CEP57L1: variants seen among roughly 807,000 people sequenced by gnomAD.
CEP57L1 encodes the protein centrosomal protein 57 like 1, also known as centrosomal protein CEP57L1.
A neutral mutation model predicts 61.0 loss-of-function variants in CEP57L1; 37 were observed. The ratio of observed to expected loss-of-function variants is 0.61; its 90% CI spans 0.47 to 0.80. The LOEUF is 0.80. Ranked by LOEUF, CEP57L1 falls within the 30% of genes least tolerant of loss-of-function variation. The pLI is 0.00. For synonymous variants in CEP57L1, 137 were observed against 162.3 expected (o/e 0.84, Z 1.19); for missense variants, 422 against 524.7 (o/e 0.80, Z 1.91).
chr6:109,172,029 G>T lies in CEP57L1; in HGVS notation c.*9059G>T, dbSNP rs1184087297. Among the ~76,000 whole-genome samples, 1 of 152,126 alleles carries T rather than the reference G, an allele frequency of 6.6e-6. No individual in the cohort carries two copies. Among genetic ancestry groups the T allele is most frequent in the Non-Finnish European group, 1.5e-5 (1 of 68,024 alleles). On this transcript the variant is annotated 3_prime_UTR_variant, in exon 11 of 11. Transcript: ENST00000517392. ...GGAGGGACTCACAGAACTCAGAAAA[G>T]CTGTTAAGTTATGGTTATGGTATAT...
chr6:109,129,219 C>A lies in CEP57L1; in HGVS notation c.-3-16000C>A, dbSNP rs1191691617. The A allele has an allele frequency of 6.7e-6, 3 of 449,002 alleles. No homozygotes were observed. The Admixed American group carries it at 1.4e-4, about 21-fold the overall frequency. 27.8% of individuals were successfully genotyped at this position (449,002 alleles called of 1,614,324 possible). A position where few individuals can be genotyped will look rare whatever the true frequency, so the allele number is the denominator to read the frequency against. On this transcript the variant is annotated intron_variant, in intron 1 of 10. Transcript: ENST00000517392. ...CATCTCTAAACAAAAACCAAAAAAACTAACTGGAAACTCCAAATCTATCCA... is the reference window on the plus strand; with the variant it reads ...CATCTCTAAACAAAAACCAAAAAAAATAACTGGAAACTCCAAATCTATCCA...
intron 1 of CEP57L1, among the ~76,000 whole-genome samples, chr6:109,103,310 C>T (rs957703947): frequency 3.9e-5 from 6 of 152,140 alleles, no homozygotes; most frequent in African/African-American, 1.4e-4. Flanking sequence ...AATGTCTTGT[C>T]AACCAAGTAC....
rs955504930 is a variant in CEP57L1, at chr6:109,163,027, A to G, written c.*57A>G. On this transcript the variant is annotated 3_prime_UTR_variant, in exon 11 of 11. Transcript: ENST00000517392. ...TTGTCAGTGAGACCTTGAATTGTCT[A>G]AAGTGGTTTTAATTTAATATAACTT... The G allele has an allele frequency of 3.7e-6, 4 of 1,081,974 alleles. No individual in the cohort carries two copies. The highest frequency in any genetic ancestry group is 2.8e-5 in the South Asian group (2 of 71,210). 67.0% of individuals were successfully genotyped at this position (1,081,974 alleles called of 1,614,324 possible). A position where few individuals can be genotyped will look rare whatever the true frequency, so the allele number is the denominator to read the frequency against.
At chr6:109,120,905 GACACACGC>G (rs756979649) in intron 1 of CEP57L1, among the ~76,000 whole-genome samples, 11,439 of 128,278 alleles carry the variant, frequency 0.089, 499 homozygotes, top group Middle Eastern at 0.18. Flanking sequence ...CCTATACTTA[GACACACGC>G]ACACACACAC....
In CEP57L1 at chr6:109,115,586, AAAAT is replaced by A. The variant is rs142610992; in HGVS notation, c.-4+20016_-4+20019del. On this transcript the variant is annotated intron_variant, in intron 1 of 10. Coordinates refer to ENST00000517392, the MANE Select transcript of CEP57L1 (RefSeq NM_001271852.3). The stretch of plus-strand genomic sequence containing the variant: ...TTTGGCTTAAATAAATAACGTTAAG[AAAAT>A]AAATCTGTTATTTTTTTTAAAAAAT... 8.3e-3 allele frequency among the ~76,000 whole-genome samples: 1,258 copies of A among 152,284 alleles called. 22 individuals carry two copies. Among genetic ancestry groups the A allele is most frequent in the African/African-American group, 0.029 (1,207 of 41,548 alleles).
intron 1 of CEP57L1, among the ~76,000 whole-genome samples, chr6:109,124,506 T>A (rs1473573164): frequency 6.6e-6 from 1 of 152,230 alleles, no homozygotes; most frequent in Non-Finnish European, 1.5e-5. Context: ...GGTATGGACC[T>A]TGGATGAAAC....
intron 4 of CEP57L1, among the ~76,000 whole-genome samples, chr6:109,152,079 C>T (rs2114911295): frequency 6.6e-6 from 1 of 152,280 alleles, no homozygotes; most frequent in South Asian, 2.1e-4. Flanking sequence ...ACCTCTCTCT[C>T]TTCTTCTCTG....
At chr6:109,118,156 C>T (rs1772522966) in intron 1 of CEP57L1, among the ~76,000 whole-genome samples, 1 of 152,166 alleles carries the variant, frequency 6.6e-6, no homozygotes, top group African/African-American at 2.4e-5. Context: ...CTGCCTCAGC[C>T]TCCTTAGTAG....
At chr6:109,160,822 G>A (rs1247305273) in intron 10 of CEP57L1, 106 bp downstream of exon 10, 1 of 1,055,612 alleles carries the variant, frequency 9.5e-7, no homozygotes, top group African/African-American at 1.7e-5. Context: ...ATGGGATTTA[G>A]TGAAAAGATG....
intron 4 of CEP57L1, among the ~76,000 whole-genome samples, chr6:109,153,205 T>G (rs758184697): frequency 6.7e-6 from 1 of 148,912 alleles, no homozygotes; most frequent in Non-Finnish European, 1.5e-5. Context: ...GTTTCACTGA[T>G]GCTAATATAA....
intron 1 of CEP57L1, among the ~76,000 whole-genome samples, chr6:109,133,974 AC>A (rs1401370775): frequency 5.9e-5 from 9 of 152,196 alleles, no homozygotes; most frequent in South Asian, 2.1e-4. Flanking sequence ...GCCGAATTCT[AC>A]CAGAGGTACA....
chr6:109,144,353 T>C (rs1238368097), intron 1 of CEP57L1, among the ~76,000 whole-genome samples: 1 of 152,190 alleles, frequency 6.6e-6, no homozygotes, highest in East Asian at 1.9e-4. Flanking sequence ...AATTCTTGGA[T>C]TTCCATTTTG....
Position 109,122,811 on chromosome 6 carries a change from G to GA in CEP57L1, c.-3-22399dup, listed in dbSNP as rs199704709. 1.5e-4 allele frequency among the ~76,000 whole-genome samples: 22 copies of GA among 149,814 alleles called. No individual in the cohort carries two copies. The East Asian group carries it at 2.5e-3, about 17-fold the overall frequency. ...AACAGGGTGAGATTTTGTCTCAAAA[G>GA]AAAAAAAAAGACTCATCAGACACTT... On this transcript the variant is annotated intron_variant, in intron 1 of 10. Coordinates refer to ENST00000517392, the MANE Select transcript of CEP57L1 (RefSeq NM_001271852.3).
At chr6:109,124,452 A>G (rs573128320) in intron 1 of CEP57L1, among the ~76,000 whole-genome samples, 3 of 152,290 alleles carry the variant, frequency 2.0e-5, no homozygotes, top group Middle Eastern at 6.8e-3. Context: ...TAGAATGTGA[A>G]CTTTAGAGCC....
At chr6:109,129,106 A>T (rs1773900462) in intron 1 of CEP57L1, among the ~76,000 whole-genome samples, 1 of 152,184 alleles carries the variant, frequency 6.6e-6, no homozygotes, top group African/African-American at 2.4e-5. Context: ...AGGCTGAGGC[A>T]GCAGAATCGC....
At position 109,159,422 on chromosome 6, in the gene CEP57L1, C is replaced by T. The variant is rs1382630575; in HGVS notation, c.976C>T (p.Leu326Phe). The change falls in exon 9 of 11, where the codon CTT becomes TTT. Residue 326 changes from leucine (L) to phenylalanine (F), a missense_variant. Transcript: ENST00000517392. ...SISICDNLSE[L>F]LMAMQDELDQ... ...TTCCATTTGTGACAATTTATCTGAA[C>T]TTTTGATGGCAATGCAAGATGAGCT... The T allele has an allele frequency of 9.9e-6, 16 of 1,613,594 alleles. No individual in the cohort carries two copies. The highest frequency in any genetic ancestry group is 1.3e-5 in the Non-Finnish European group (15 of 1,179,774).
rs146471522 is a variant in CEP57L1, at chr6:109,170,282, G to A, written c.*7312G>A. Among the ~76,000 whole-genome samples, 431 of 152,258 alleles carry A rather than the reference G, an allele frequency of 2.8e-3. 3 individuals are homozygous for A. The highest frequency in any genetic ancestry group is 3.9e-3 in the Non-Finnish European group (263 of 67,994). Reference sequence around the variant, plus strand: ...CTTTAAGAACAGAGGATTGTAAAGTGAGCCAGACCTTCCAATCAGCTAAAA... The same window carrying A: ...CTTTAAGAACAGAGGATTGTAAAGTAAGCCAGACCTTCCAATCAGCTAAAA... On this transcript the variant is annotated 3_prime_UTR_variant, in exon 11 of 11. Coordinates refer to ENST00000517392, the MANE Select transcript of CEP57L1 (RefSeq NM_001271852.3).
intron 1 of CEP57L1, among the ~76,000 whole-genome samples, chr6:109,109,370 C>T (rs1206298021): frequency 6.6e-6 from 1 of 152,032 alleles, no homozygotes; most frequent in Non-Finnish European, 1.5e-5. Context: ...TTTGTTTTAC[C>T]AATTTCCTGA....
chr6:109,121,692 T>G lies in CEP57L1; in HGVS notation c.-3-23527T>G, dbSNP rs182208402. Among the ~76,000 whole-genome samples the G allele has an allele frequency of 1.3e-4, 20 of 150,128 alleles. No individual in the cohort carries two copies. In the East Asian group the frequency reaches 3.5e-3, roughly 26 times the overall value. On this transcript the variant is annotated intron_variant, in intron 1 of 10. Coordinates refer to ENST00000517392, the MANE Select transcript of CEP57L1 (RefSeq NM_001271852.3). The stretch of plus-strand genomic sequence containing the variant: ...ATCAAAATCCCAGAGTGTGGAAGCA[T>G]TTACATAGACTCTAGGGTACAGGTA...
Sources: allele counts gnomAD v4.1 joint callset (sites outside exome capture counted in the v4.1 genomes callset), GRCh38; gene constraint gnomAD v4.1.1; transcripts MANE v1.5; gene names NCBI Gene and HGNC (gene_info 2026-07-23, HGNC 2026-07-21).